Variants in PIGA observed in about 807,000 individuals in gnomAD.
The protein encoded by PIGA is phosphatidylinositol glycan anchor biosynthesis class A.
In PIGA, 3 loss-of-function variants were observed where a neutral mutation model predicts 17.1. The observed-to-expected ratio is 0.18, with a 90% CI of 0.08 to 0.45. PIGA has a LOEUF of 0.45. Among genes scored for constraint, PIGA ranks in the 20% least tolerant of loss-of-function variants. PIGA has a pLI of 0.99. For missense variants in PIGA, 231 were observed against 374.1 expected (o/e 0.62, Z 3.16); for synonymous variants, 126 against 135.1 (o/e 0.93, Z 0.47).
At chrX:15,322,780 G>C (rs991201151) in intron 5 of PIGA, among the ~76,000 whole-genome samples, 3 of 111,775 alleles carry the variant, frequency 2.7e-5, no homozygotes, top group Non-Finnish European at 5.6e-5. Context: ...ATTATGCTGA[G>C]ACTGGTGAAT....
chrX:15,326,934 CA>C (rs1921988720), intron 2 of PIGA: 1 of 112,220 alleles, frequency 8.9e-6, no homozygotes, highest in Non-Finnish European at 1.9e-5. Flanking sequence ...AGTTCATTAA[CA>C]ATTACAAAAC....
At chrX:15,325,490 A>C (rs1211611063) in intron 3 of PIGA, 1 of 157,208 alleles carries the variant, frequency 6.4e-6, no homozygotes, top group African/African-American at 3.1e-5. Flanking sequence ...TTTTTATTAA[A>C]ATTGATGCTT....
chrX:15,328,918 A>G (rs1922067076), intron 2 of PIGA: 1 of 112,549 alleles, frequency 8.9e-6, no homozygotes, highest in South Asian at 3.6e-4. Context: ...AAAAAAACAC[A>G]TCACTAATGT....
intron 2 of PIGA, among the ~76,000 whole-genome samples, chrX:15,330,722 C>A (rs1922129512): frequency 9.0e-6 from 1 of 111,261 alleles, no homozygotes; most frequent in South Asian, 3.8e-4. Flanking sequence ...CCTGCCTCAG[C>A]CTCCGGAGTA....
At chrX:15,322,260 A>G in intron 5 of PIGA, among the ~76,000 whole-genome samples, 1 of 111,754 alleles carries the variant, frequency 8.9e-6, no homozygotes, top group Non-Finnish European at 1.9e-5. Context: ...GAGAGCTACA[A>G]TCTAGCATAC....
Position 15,321,544 on chromosome X carries a change from T to C in PIGA, c.1417A>G (p.Arg473Gly). Reference protein sequence around the residue: ...AWTNNYSHSKRGGENNEISET... With the variant: ...AWTNNYSHSKGGGENNEISET... ...GATATCTCATTATTCTCACCCCCTC[T>C]TTTACTGTGAGAATAGTTATTAGTC... Residue 473 changes from arginine to glycine, a missense_variant, in exon 6 of 6, where the codon AGA (arginine) becomes GGA (glycine). Physicochemically the swap from Arg to Gly is moderately radical, Grantham distance 125. This residue lies in a region of PIGA where 88 missense variants were observed against 100.5 expected (regional missense o/e 0.88). Coordinates refer to ENST00000333590, the MANE Select transcript of PIGA (RefSeq NM_002641.4). 8.3e-7 allele frequency: 1 copy of C among 1,205,901 alleles called. No individual in the cohort carries two copies. Among genetic ancestry groups the C allele is most frequent in the Non-Finnish European group, 1.1e-6 (1 of 889,952 alleles).
At chrX:15,321,825 G>A (rs1921827896) in intron 5 of PIGA, 53 bp from the exon 6 acceptor site, 7 of 1,078,278 alleles carry the variant, frequency 6.5e-6, no homozygotes, top group African/African-American at 1.8e-5. Context: ...CCCATCACCT[G>A]TCCCATGATA....
chrX:15,321,217 TATA>T lies in PIGA; in HGVS notation c.*286_*288del, dbSNP rs753691551. ...CCTTCAGCACCCAAAGCTCTCAAAATATAATGTTAAAACATCTCTGCTACAGGG... is the reference window on the plus strand; with the variant it reads ...CCTTCAGCACCCAAAGCTCTCAAAATATGTTAAAACATCTCTGCTACAGGG... On this transcript the variant is annotated 3_prime_UTR_variant, in exon 6 of 6. Coordinates refer to ENST00000333590, the MANE Select transcript of PIGA (RefSeq NM_002641.4). 720 of 201,960 alleles carry T rather than the reference TATA, an allele frequency of 3.6e-3. 8 individuals are homozygous for T. The highest frequency in any genetic ancestry group is 0.02 in the African/African-American group (673 of 34,107). 16.6% of individuals were successfully genotyped at this position (201,960 alleles called of 1,213,427 possible). A position where few individuals can be genotyped will look rare whatever the true frequency, so the allele number is the denominator to read the frequency against.
At chrX:15,324,441 G>C (rs1921908210) in intron 5 of PIGA, among the ~76,000 whole-genome samples, 3 of 111,810 alleles carry the variant, frequency 2.7e-5, no homozygotes, top group Non-Finnish European at 5.6e-5. Context: ...TTTAATGAGG[G>C]GGCTAGACTG....
chrX:15,333,695 A>G (rs902160412), intron 1 of PIGA, among the ~76,000 whole-genome samples: 1 of 111,849 alleles, frequency 8.9e-6, no homozygotes, highest in African/African-American at 3.3e-5. Context: ...AAACAAAACA[A>G]AACAAAAACA....
chrX:15,335,355 T>C (rs1352523535), intron 1 of PIGA, 146 bp downstream of exon 1: 2 of 478,721 alleles, frequency 4.2e-6, no homozygotes, highest in Non-Finnish European at 6.0e-6. Context: ...CCCAACCTAC[T>C]CTGGAGACCC....
rs1438171160 is a variant in PIGA at position 15,320,797 on chromosome X, G to A, written c.*709C>T. The A allele has an allele frequency of 2.7e-5, 3 of 111,844 alleles. No individual in the cohort carries two copies. Among genetic ancestry groups the A allele is most frequent in the South Asian group, 3.7e-4 (1 of 2,697 alleles). The allele number at this position is 111,844 out of a possible 1,213,427, so 9.2% of individuals were successfully genotyped here. ...TTTTTTTCCTGGCATTAACTGGCAT[G>A]AGCATTTTTGGCATGTTGGATATTG... On this transcript the variant is annotated 3_prime_UTR_variant, in exon 6 of 6. Coordinates refer to ENST00000333590, the MANE Select transcript of PIGA (RefSeq NM_002641.4).
At chrX:15,326,217 TC>T in intron 2 of PIGA, 171 bp from the exon 3 acceptor site, 1 of 333,992 alleles carries the variant, frequency 3.0e-6, no homozygotes. Context: ...CTGGCAGTGG[TC>T]CCCCAAGAGT....
rs142820663 is a variant in PIGA at position 15,327,798 on chromosome X, C to T, written c.716-1752G>A. ...AATAGTCATAAATGATAATAGCTAA[C>T]AGTAACAGAGTGCTTGCTATGACAG... On this transcript the variant is annotated intron_variant, in intron 2 of 5. Coordinates refer to ENST00000333590, the MANE Select transcript of PIGA (RefSeq NM_002641.4). 9 of 112,129 alleles carry T rather than the reference C, an allele frequency of 8.0e-5. No homozygotes were observed. The East Asian group carries it at 2.5e-3, about 31-fold the overall frequency. The allele number at this position is 112,129 out of a possible 1,213,427, so 9.2% of individuals were successfully genotyped here. A position where few individuals can be genotyped will look rare whatever the true frequency, so the allele number is the denominator to read the frequency against.
chrX:15,326,097 A>G, intron 2 of PIGA, 51 bp from the exon 3 acceptor site: 1 of 861,781 alleles, frequency 1.2e-6, no homozygotes, highest in Non-Finnish European at 1.6e-6. Flanking sequence ...AACTTAAAAA[A>G]ATTCACCAGA....
Position 15,331,293 on chromosome X carries a change from G to C in PIGA, c.638C>G (p.Thr213Ser), listed in dbSNP as rs1280193379. The C allele has an allele frequency of 8.3e-7, 1 of 1,205,062 alleles. No homozygotes were observed. Among genetic ancestry groups the C allele is most frequent in the Admixed American group, 2.2e-5 (1 of 46,073 alleles). The change falls in exon 2 of 6, where the codon ACT becomes AGT. Residue 213 changes from threonine to serine, a missense_variant. Thr to Ser is a moderately conservative substitution (Grantham distance 58, BLOSUM62 1). Around this residue, in one of 5 missense-constraint regions of PIGA, gnomAD observed 83 missense variants for 190.1 expected, o/e 0.44. Transcript: ENST00000333590. ...TCTAAATGGGTCTGGAGTGAAGTCA[G>C]TAGGATCTACAGCATTAGGAATGAC... ...VSVIPNAVDP[T>S]DFTPDPFRRH...
chrX:15,324,902 C>A, intron 4 of PIGA, 31 bp from the exon 5 acceptor site: 1 of 1,156,964 alleles, frequency 8.6e-7, no homozygotes, highest in Non-Finnish European at 1.2e-6. Flanking sequence ...ACATACTCCA[C>A]CATAATCATA....
intron 5 of PIGA, among the ~76,000 whole-genome samples, chrX:15,323,081 T>C (rs765442540): frequency 1.4e-4 from 16 of 111,828 alleles, no homozygotes; most frequent in African/African-American, 3.9e-4. Context: ...TAAATCACCA[T>C]AGAATTAAAA....
Position 15,326,106 on chromosome X carries a change from G to C in PIGA, c.716-60C>G. 5 of 758,830 alleles carry C rather than the reference G, an allele frequency of 6.6e-6. No homozygotes were observed. In the South Asian group the frequency reaches 1.5e-4, roughly 23 times the overall value. 62.5% of individuals were successfully genotyped at this position (758,830 alleles called of 1,213,427 possible). A position where few individuals can be genotyped will look rare whatever the true frequency, so the allele number is the denominator to read the frequency against. On this transcript the variant is annotated intron_variant, in intron 2 of 5. Coordinates refer to ENST00000333590, the MANE Select transcript of PIGA (RefSeq NM_002641.4). ...TATTTAAACTTAAAAAAATTCACCA[G>C]AACGACTGAGAATCCACTTATTTTG...
Sources: allele counts gnomAD v4.1 joint callset (sites outside exome capture counted in the v4.1 genomes callset), GRCh38; gene constraint gnomAD v4.1.1; regional missense constraint gnomAD v4.1.1; transcripts MANE v1.5; gene names NCBI Gene and HGNC (gene_info 2026-07-23, HGNC 2026-07-21).